The following VSIG8 variants were observed in gnomAD, a reference collection of about 807,000 sequenced individuals.
VSIG8 encodes V-set and immunoglobulin domain containing 8.
VSIG8 carries 32 observed loss-of-function variants against 42.6 expected under a neutral mutation model. The ratio of observed to expected loss-of-function variants is 0.75; its 90% CI spans 0.57 to 1.01. The LOEUF is 1.01. VSIG8 is among the 50% of genes least tolerant of loss of function. The pLI, the probability that VSIG8 is intolerant of heterozygous loss-of-function variation, is 0.00. For missense variants in VSIG8, 529 were observed against 558.0 expected (o/e 0.95, Z 0.52); for synonymous variants, 290 against 243.8 (o/e 1.19, Z -1.77).
chr1:159,858,063 G>C, intron 3 of VSIG8, 27 bp downstream of exon 3: 1 of 1,614,050 alleles, frequency 6.2e-7, no homozygotes, highest in Non-Finnish European at 8.5e-7. Context: ...GCCAGGGGGA[G>C]AGGAGCTTAG....
At position 159,858,145 on chromosome 1, in the gene VSIG8, C is replaced by T. The variant is rs781743771; in HGVS notation, c.375G>A (p.Glu125=). The stretch of plus-strand genomic sequence containing the variant: ...CCATGGTGGTCTTCTTCACCCGGCA[C>T]TCATAAGTGGCTGTATCAGATACCT... ...NLQVSDTATY[E]CRVKKTTMAT... The change falls in exon 3 of 7, where the codon GAG becomes GAA. Residue 125 remains glutamate, a synonymous_variant. Transcript: ENST00000368100. 1.9e-6 allele frequency: 3 copies of T among 1,614,192 alleles called. No homozygotes were observed. The highest frequency in any genetic ancestry group is 1.3e-5 in the African/African-American group (1 of 75,042).
chr1:159,858,029 G>A (rs1245857798), intron 3 of VSIG8, 61 bp downstream of exon 3: 22 of 1,611,834 alleles, frequency 1.4e-5, no homozygotes, highest in Non-Finnish European at 1.8e-5. Context: ...GGCTCAAAGT[G>A]GCCAAGCTGC....
chr1:159,856,043 C>A lies in VSIG8; in HGVS notation c.811G>T (p.Gly271Cys). 6.2e-7 allele frequency: 1 copy of A among 1,612,322 alleles called. No individual in the cohort carries two copies. The highest frequency in any genetic ancestry group is 2.2e-5 in the East Asian group (1 of 44,814). The change falls in exon 6 of 7, where the codon GGC becomes TGC. Residue 271 changes from glycine (G) to cysteine (C), a missense_variant. By Grantham distance (159) the Gly-to-Cys change is radical (BLOSUM62 -3). Coordinates refer to ENST00000368100, the MANE Select transcript of VSIG8 (RefSeq NM_001013661.1). ...RIGVIIGIVL[G>C]SLLALGCLAV... ...AGGCAGCCCAGCGCGAGCAGAGAGC[C>A]CAGGACGATGCCGATGATCACGCCT... is the stretch of plus-strand genomic sequence containing the variant.
chr1:159,855,885 G>T lies in VSIG8; in HGVS notation c.969C>A (p.Ile323=). Residue 323 remains isoleucine (I), a splice_region_variant and synonymous_variant, in exon 6 of 7, where the codon ATC becomes ATA. Coordinates refer to ENST00000368100, the MANE Select transcript of VSIG8 (RefSeq NM_001013661.1). The part of the protein sequence containing the change: ...GGACGDLASE[I]REDAVAPGCK... Reference sequence around the variant, plus strand: ...ATGCAGCATGCATCAGGTTTTACCTGATCTCACTAGCCAAGTCGCCGCAGG... The same window carrying T: ...ATGCAGCATGCATCAGGTTTTACCTTATCTCACTAGCCAAGTCGCCGCAGG... The T allele has an allele frequency of 6.4e-7, 1 of 1,557,594 alleles. No individual in the cohort carries two copies. The highest frequency in any genetic ancestry group is 8.6e-7 in the Non-Finnish European group (1 of 1,157,762).
intron 6 of VSIG8, 65 bp downstream of exon 6, chr1:159,855,818 G>T (rs919288118): frequency 2.7e-6 from 4 of 1,482,306 alleles, no homozygotes; most frequent in Non-Finnish European, 3.6e-6. Context: ...TGGCAGGCAG[G>T]AGTGAGGTGG....
At position 159,854,908 on chromosome 1, in the gene VSIG8, G is replaced by C; in HGVS notation, c.1090C>G (p.Pro364Ala). Residue 364 changes from proline (P) to alanine (A), a missense_variant, in exon 7 of 7, where the codon CCC becomes GCC. By Grantham distance (27) the Pro-to-Ala change is conservative. Coordinates refer to ENST00000368100, the MANE Select transcript of VSIG8 (RefSeq NM_001013661.1). ...RSLRRKYAPP[P>A]CGGPEDVALA... ...GCCACGTCCTCGGGGCCGCCGCAGG[G>C]GGGAGGCGCGTACTTGCGGCGCAGG... 6.7e-7 allele frequency: 1 copy of C among 1,493,820 alleles called. No individual in the cohort carries two copies. Among genetic ancestry groups the C allele is most frequent in the Non-Finnish European group, 8.9e-7 (1 of 1,129,664 alleles). The allele number at this position is 1,493,820 out of a possible 1,614,324, so 92.5% of individuals were successfully genotyped here.
rs561788700 is a variant in VSIG8 at position 159,855,938 on chromosome 1, C to G, written c.916G>C (p.Gly306Arg). The G allele has an allele frequency of 3.8e-6, 6 of 1,572,694 alleles. No homozygotes were observed. Among genetic ancestry groups the G allele is most frequent in the East Asian group, 2.4e-5 (1 of 42,404 alleles). The change falls in exon 6 of 7, where the codon GGC becomes CGC. Residue 306 changes from glycine to arginine, a missense_variant. Transcript: ENST00000368100. ...AGGARGAFGY[G>R]NGGGVGGGAC... ...CCTCCGCCGACCCCGCCGCCGTTGCCGTAGCCGAAGGCACCGCGGGCGCCG... is the reference window on the plus strand; with the variant it reads ...CCTCCGCCGACCCCGCCGCCGTTGCGGTAGCCGAAGGCACCGCGGGCGCCG...
In VSIG8 at chr1:159,854,888, G is replaced by C. The variant is rs1361730126; in HGVS notation, c.1110C>G (p.Asp370Glu). 6.8e-7 allele frequency: 1 copy of C among 1,471,098 alleles called. No individual in the cohort carries two copies. Among genetic ancestry groups the C allele is most frequent in the South Asian group, 1.3e-5 (1 of 75,094 alleles). 91.1% of individuals were successfully genotyped at this position (1,471,098 alleles called of 1,614,324 possible). Reference sequence around the variant, plus strand: ...CGGCGGTGCAGGGCGCCAGGGCCACGTCCTCGGGGCCGCCGCAGGGGGGAG... The same window carrying C: ...CGGCGGTGCAGGGCGCCAGGGCCACCTCCTCGGGGCCGCCGCAGGGGGGAG... The part of the protein sequence containing the change: ...YAPPPCGGPE[D>E]VALAPCTAAA... The change falls in exon 7 of 7, where the codon GAC (aspartate) becomes GAG (glutamate). Residue 370 changes from aspartate to glutamate, a missense_variant. Asp to Glu is a conservative substitution (Grantham distance 45). Transcript: ENST00000368100.
Position 159,854,697 on chromosome 1 carries a change from CAGAG to C in VSIG8, c.*52_*55del. On this transcript the variant is annotated 3_prime_UTR_variant, in exon 7 of 7. Coordinates refer to ENST00000368100, the MANE Select transcript of VSIG8 (RefSeq NM_001013661.1). The stretch of plus-strand genomic sequence containing the variant: ...GCCCCGACGTGTCCCCAGCTGCAGA[CAGAG>C]AGCCCCGCGCCCTCCTCCTGGCTGG... 7.1e-7 allele frequency: 1 copy of C among 1,407,282 alleles called. No individual in the cohort carries two copies. Among genetic ancestry groups the C allele is most frequent in the South Asian group, 1.5e-5 (1 of 65,344 alleles). The allele number at this position is 1,407,282 out of a possible 1,614,324, so 87.2% of individuals were successfully genotyped here.
chr1:159,860,597 G>C (rs146718496), intron 1 of VSIG8: 1 of 152,406 alleles, frequency 6.6e-6, no homozygotes, highest in East Asian at 1.9e-4. Context: ...CCCAGAGCAG[G>C]CAGGCTGACT....
In VSIG8 at chr1:159,858,202, C is replaced by T. The variant is rs760586408; in HGVS notation, c.318G>A (p.Gln106=). ...TCATGAGGTTGATGGAGGCATCGTA[C>T]TGGCTTGGGTCTGAGGCTGCAAAGC... The part of the protein sequence containing the change: ...RVRFAASDPS[Q]YDASINLMNL... Residue 106 remains glutamine, a synonymous_variant, in exon 3 of 7, where the codon CAG becomes CAA. Coordinates refer to ENST00000368100, the MANE Select transcript of VSIG8 (RefSeq NM_001013661.1). 1.2e-6 allele frequency: 2 copies of T among 1,614,232 alleles called. No individual in the cohort carries two copies. The highest frequency in any genetic ancestry group is 2.2e-5 in the East Asian group (1 of 44,886).
chr1:159,855,634 A>G, intron 6 of VSIG8: 1 of 974,810 alleles, frequency 1.0e-6, no homozygotes, highest in Non-Finnish European at 1.2e-6. Context: ...TACAGTCTAG[A>G]CAAGACAGAC....
rs965499070 is a variant in VSIG8, at chr1:159,855,275, C to A, written c.972-249G>T. ...GCTTGTCCACGCGTATCTGGAGAGC[C>A]CTGCAGGCAGCCCCCTCCAGGCCCC... On this transcript the variant is annotated intron_variant, in intron 6 of 6. Coordinates refer to ENST00000368100, the MANE Select transcript of VSIG8 (RefSeq NM_001013661.1). 9.7e-6 allele frequency: 15 copies of A among 1,550,036 alleles called. No homozygotes were observed. In the Admixed American group the frequency reaches 2.9e-4, roughly 30 times the overall value.
intron 1 of VSIG8, among the ~76,000 whole-genome samples, chr1:159,859,984 G>A (rs1648971198): frequency 6.6e-6 from 1 of 152,074 alleles, no homozygotes; most frequent in Non-Finnish European, 1.5e-5. Context: ...GGGGGGTGTA[G>A]CCAGGGCCCC....
chr1:159,858,497 C>T lies in VSIG8; in HGVS notation c.229-206G>A, dbSNP rs1435968163. ...GCACTTGGAAAGATATATGGTCAGA[C>T]TGGGAACTTTTTGAAGGCAAAGACT... On this transcript the variant is annotated intron_variant, in intron 2 of 6. Coordinates refer to ENST00000368100, the MANE Select transcript of VSIG8 (RefSeq NM_001013661.1). 2.0e-5 allele frequency among the ~76,000 whole-genome samples: 3 copies of T among 152,234 alleles called. No individual in the cohort carries two copies. In the East Asian group the frequency reaches 5.8e-4, roughly 29 times the overall value.
At chr1:159,858,068 G>A (rs371126436) in intron 3 of VSIG8, 22 bp downstream of exon 3, 16 of 1,614,144 alleles carry the variant, frequency 9.9e-6, no homozygotes, top group Non-Finnish European at 1.4e-5. Context: ...GGGGAGAGGA[G>A]CTTAGAGGAG....
chr1:159,861,553 C>T (rs1349449928), intron 1 of VSIG8: 1 of 152,190 alleles, frequency 6.6e-6, no homozygotes, highest in Non-Finnish European at 1.5e-5. Flanking sequence ...TGCAGCTATC[C>T]TGCCGGAAAT....
At chr1:159,857,220 C>T (rs1202797734) in intron 4 of VSIG8, among the ~76,000 whole-genome samples, 1 of 152,166 alleles carries the variant, frequency 6.6e-6, no homozygotes, top group East Asian at 1.9e-4. Flanking sequence ...CAGGCTCCCT[C>T]CAAATTCGCC....
At chr1:159,858,652 C>A in intron 2 of VSIG8, 82 bp downstream of exon 2, 1 of 1,495,290 alleles carries the variant, frequency 6.7e-7, no homozygotes, top group South Asian at 1.3e-5. Context: ...CAAGGTCAGT[C>A]TTCTCCCTTT....
Sources: gnomAD v4.1 joint callset for allele counts (sites outside exome capture counted in the v4.1 genomes callset) on GRCh38, gnomAD v4.1.1 for gene constraint, MANE v1.5 for transcripts, NCBI Gene and HGNC (gene_info 2026-07-23, HGNC 2026-07-21) for gene names.